The following TRDMT1 variants were observed in gnomAD, a reference collection of about 807,000 sequenced individuals.
TRDMT1 encodes the protein tRNA (cytosine(38)-C(5))-methyltransferase.
Under a neutral mutation model 51.2 loss-of-function variants are expected in TRDMT1, and 49 were observed. The observed-to-expected ratio is 0.96, with a 90% CI of 0.76 to 1.21. The LOEUF is 1.21. Among genes scored for constraint, TRDMT1 ranks in the 50% most tolerant of loss-of-function variants. The probability of loss-of-function intolerance (pLI) is 0.00; values close to 1 mark genes in which losing one functional copy is unlikely to be tolerated. For synonymous variants in TRDMT1, 187 were observed against 164.6 expected (o/e 1.14, Z -1.04); for missense variants, 534 against 462.3 (o/e 1.16, Z -1.42).
At chr10:17,164,514 G>A (rs1438858462) in intron 3 of TRDMT1, among the ~76,000 whole-genome samples, 1 of 152,130 alleles carries the variant, frequency 6.6e-6, no homozygotes, top group Non-Finnish European at 1.5e-5. Flanking sequence ...GGAAGTTCTG[G>A]CCAGGGCAAT....
rs983732740 is a variant in TRDMT1 at position 17,148,568 on chromosome 10, T to G, written c.*472A>C. 1 of 979,202 alleles carries G rather than the reference T, an allele frequency of 1.0e-6. No homozygotes were observed. Among genetic ancestry groups the G allele is most frequent in the Admixed American group, 6.1e-5 (1 of 16,268 alleles). 60.7% of individuals were successfully genotyped at this position (979,202 alleles called of 1,614,324 possible). ...GGTTTACATATCATATGCATTTGTT[T>G]AGATGAAATAAAGAAATATTTACAG... On this transcript the variant is annotated 3_prime_UTR_variant, in exon 11 of 11. Transcript: ENST00000377799.
chr10:17,159,594 T>A (rs190228886), intron 6 of TRDMT1, among the ~76,000 whole-genome samples: 165 of 152,264 alleles, frequency 1.1e-3, no homozygotes, highest in African/African-American at 3.8e-3. Flanking sequence ...TTACCTCATT[T>A]TGTTAAAAAA....
In TRDMT1 at chr10:17,139,816, C is replaced by T. The variant is rs973968873; in HGVS notation, c.*9224G>A. The stretch of plus-strand genomic sequence containing the variant: ...ATCAATGGCAGAAAGGATGAGATGA[C>T]CTCACTTCTGTCTTTTTCAATGCCG... On this transcript the variant is annotated 3_prime_UTR_variant, in exon 11 of 11. Transcript: ENST00000377799. 1.3e-4 allele frequency among the ~76,000 whole-genome samples: 20 copies of T among 151,966 alleles called. No individual in the cohort carries two copies. The highest frequency in any genetic ancestry group is 4.8e-4 in the African/African-American group (20 of 41,368).
chr10:17,152,756 T>C (rs1309522909), intron 10 of TRDMT1, among the ~76,000 whole-genome samples: 2 of 152,192 alleles, frequency 1.3e-5, no homozygotes, highest in African/African-American at 4.8e-5. Flanking sequence ...GCCAAAGCAG[T>C]GTGTCCAATC....
intron 1 of TRDMT1, among the ~76,000 whole-genome samples, chr10:17,186,323 T>C (rs1296222380): frequency 4.6e-5 from 7 of 152,016 alleles, no homozygotes; most frequent in Admixed American, 2.6e-4. Context: ...TGATTAAACT[T>C]GAGATGAGGA....
At chr10:17,198,637 CTGGGGGGAAAGGGAAT>C (rs1032292187) in intron 1 of TRDMT1, among the ~76,000 whole-genome samples, 24 of 152,082 alleles carry the variant, frequency 1.6e-4, no homozygotes, top group African/African-American at 5.6e-4. Context: ...TTACCAGGGA[CTGGGGGGAAAGGGAAT>C]TTGGAGTTAT....
chr10:17,146,217 T>A lies in TRDMT1; in HGVS notation c.*2823A>T. 1 of 985,484 alleles carries A rather than the reference T, an allele frequency of 1.0e-6. No homozygotes were observed. Among genetic ancestry groups the A allele is most frequent in the Non-Finnish European group, 1.2e-6 (1 of 829,940 alleles). The allele number at this position is 985,484 out of a possible 1,614,324, so 61.0% of individuals were successfully genotyped here. On this transcript the variant is annotated 3_prime_UTR_variant, in exon 11 of 11. Coordinates refer to ENST00000377799, the MANE Select transcript of TRDMT1 (RefSeq NM_004412.7). ...GGGTGGACCCTCACTGTTCACAATT[T>A]CAACTACTGTTTTTGCCTCTTTAGA...
At chr10:17,158,053 G>C (rs575140857) in intron 7 of TRDMT1, among the ~76,000 whole-genome samples, 4 of 152,060 alleles carry the variant, frequency 2.6e-5, no homozygotes, top group African/African-American at 9.7e-5. Flanking sequence ...CTAACAGAAA[G>C]TATATACTGA....
At chr10:17,187,697 G>A (rs890373206) in intron 1 of TRDMT1, among the ~76,000 whole-genome samples, 2 of 152,146 alleles carry the variant, frequency 1.3e-5, no homozygotes, top group African/African-American at 4.8e-5. Flanking sequence ...AAACAAAACA[G>A]GCCAGAGGAT....
chr10:17,193,175 C>A (rs1844926329), intron 1 of TRDMT1, among the ~76,000 whole-genome samples: 1 of 152,120 alleles, frequency 6.6e-6, no homozygotes, highest in Admixed American at 6.6e-5. Flanking sequence ...ACCAGCCTGG[C>A]CAACATGGTG....
chr10:17,195,883 G>C (rs1054322570), intron 1 of TRDMT1, among the ~76,000 whole-genome samples: 6 of 152,004 alleles, frequency 3.9e-5, no homozygotes, highest in Admixed American at 1.3e-4. Context: ...GTAACTAGAA[G>C]GAAAGAGGCA....
chr10:17,173,482 A>C (rs1842281619), intron 2 of TRDMT1, among the ~76,000 whole-genome samples: 1 of 152,178 alleles, frequency 6.6e-6, no homozygotes, highest in South Asian at 2.1e-4. Context: ...ATATACTAGG[A>C]AGGGAAAACT....
At chr10:17,169,016 A>G (rs1032286999) in intron 2 of TRDMT1, 99 bp from the exon 3 acceptor site, 1 of 805,746 alleles carries the variant, frequency 1.2e-6, no homozygotes, top group Non-Finnish European at 1.9e-6. Flanking sequence ...TCAGAAACTG[A>G]AACAGTTTAT....
rs955798255 is a variant in TRDMT1, at chr10:17,148,125, G to A, written c.*915C>T. 1 of 985,358 alleles carries A rather than the reference G, an allele frequency of 1.0e-6. No individual in the cohort carries two copies. Among genetic ancestry groups the A allele is most frequent in the Non-Finnish European group, 1.2e-6 (1 of 829,926 alleles). The allele number at this position is 985,358 out of a possible 1,614,324, so 61.0% of individuals were successfully genotyped here. On this transcript the variant is annotated 3_prime_UTR_variant, in exon 11 of 11. Transcript: ENST00000377799. ...TTGATTAGAAACCCTAATTCCAAGA[G>A]GTCTGCTGAGGAAGAGAGACAGAGA...
intron 8 of TRDMT1, among the ~76,000 whole-genome samples, chr10:17,155,203 G>C (rs1839333055): frequency 6.6e-6 from 1 of 150,812 alleles, no homozygotes; most frequent in Non-Finnish European, 1.5e-5. Context: ...AACAGAGTGA[G>C]ACTCCATCTC....
intron 4 of TRDMT1, 31 bp from the exon 5 acceptor site, chr10:17,161,579 A>T (rs774130765): frequency 1.8e-6 from 2 of 1,107,570 alleles, no homozygotes; most frequent in South Asian, 1.7e-5. Context: ...GGAATTCTAA[A>T]TATCTCATTA....
rs1483164344 is a variant in TRDMT1, at chr10:17,201,563, A to C, written c.64+8T>G. The C allele has an allele frequency of 1.3e-6, 2 of 1,547,786 alleles. No homozygotes were observed. Among genetic ancestry groups the C allele is most frequent in the East Asian group, 2.5e-5 (1 of 40,504 alleles). On this transcript the variant is annotated splice_region_variant and intron_variant, in intron 1 of 10. Coordinates refer to ENST00000377799, the MANE Select transcript of TRDMT1 (RefSeq NM_004412.7). Reference sequence around the variant, plus strand: ...GAATAGAGAGAGGGGTGCTAGATGGACTCTCACCTCTCAGCGCGTGGTGCA... The same window carrying C: ...GAATAGAGAGAGGGGTGCTAGATGGCCTCTCACCTCTCAGCGCGTGGTGCA...
intron 1 of TRDMT1, among the ~76,000 whole-genome samples, chr10:17,186,150 T>C (rs1261862310): frequency 2.0e-5 from 3 of 152,126 alleles, no homozygotes; most frequent in Non-Finnish European, 4.4e-5. Context: ...TTTGGTGGTA[T>C]ACATTTAAAA....
At chr10:17,187,319 A>C (rs1300042922) in intron 1 of TRDMT1, among the ~76,000 whole-genome samples, 1 of 152,224 alleles carries the variant, frequency 6.6e-6, no homozygotes, top group Admixed American at 6.5e-5. Context: ...GTAATCAAAA[A>C]TTAAGATAAC....
Sources: gnomAD v4.1 joint callset for allele counts (sites outside exome capture counted in the v4.1 genomes callset) on GRCh38, gnomAD v4.1.1 for gene constraint, MANE v1.5 for transcripts, NCBI Gene and HGNC (gene_info 2026-07-23, HGNC 2026-07-21) for gene names.